WDFY4: variants seen among roughly 807,000 people sequenced by gnomAD.
WDFY4 encodes WDFY family member 4.
Under a neutral mutation model 351.9 loss-of-function variants are expected in WDFY4, and 169 were observed. The observed-to-expected ratio is 0.48, with a 90% CI of 0.42 to 0.55. WDFY4 has a LOEUF of 0.55. WDFY4 is among the 20% of genes least tolerant of loss of function. The pLI is 0.00. For missense variants in WDFY4, 3,803 were observed against 3,935.6 expected, an observed-to-expected ratio of 0.97 and a Z score of 0.90; for synonymous variants, 1,622 against 1,574.6, an observed-to-expected ratio of 1.03 and a Z score of -0.71.
chr10:48,758,050 G>C (rs1421244331), intron 12 of WDFY4, among the ~76,000 whole-genome samples: 1 of 151,994 alleles, frequency 6.6e-6, no homozygotes, highest in Non-Finnish European at 1.5e-5. Context: ...CTTCATCCCT[G>C]AAGTTTCCTT....
intron 2 of WDFY4, among the ~76,000 whole-genome samples, chr10:48,717,516 T>G (rs2063946511): frequency 6.6e-6 from 1 of 152,188 alleles, no homozygotes; most frequent in South Asian, 2.1e-4. Context: ...CTATAGCTCA[T>G]TCCCCTCCCT....
chr10:48,787,640 T>G (rs1416327306), intron 20 of WDFY4, among the ~76,000 whole-genome samples: 1 of 152,216 alleles, frequency 6.6e-6, no homozygotes, highest in East Asian at 1.9e-4. Context: ...TCAGGTTTCT[T>G]GTCACTTAAG....
At position 48,786,723 on chromosome 10, in the gene WDFY4, C is replaced by T. The variant is rs1304945759; in HGVS notation, c.3661C>T (p.Pro1221Ser). Residue 1221 changes from proline (P) to serine (S), a missense_variant, in exon 20 of 62, where the codon CCT becomes TCT. This residue lies in a region of WDFY4 where 3,054 missense variants were observed against 3,148.6 expected (regional missense o/e 0.97). Transcript: ENST00000325239. ...FVDVYGYIAT[P>S]RVWKQKSSLI... ...GGATGTTTATGGATATATTGCTACT[C>T]CTCGAGTCTGGAAACAAAAGTCTTC... 1.3e-6 allele frequency: 2 copies of T among 1,552,286 alleles called. No individual in the cohort carries two copies. Among genetic ancestry groups the T allele is most frequent in the Admixed American group, 3.9e-5 (2 of 51,006 alleles).
At chr10:48,889,452 T>C (rs1391505692) in intron 43 of WDFY4, among the ~76,000 whole-genome samples, 1 of 152,164 alleles carries the variant, frequency 6.6e-6, no homozygotes, top group African/African-American at 2.4e-5. Flanking sequence ...TGTCACTTAG[T>C]AGGTGGCTGA....
intron 47 of WDFY4, chr10:48,909,659 C>G (rs1397770662): frequency 3.9e-5 from 6 of 152,160 alleles, no homozygotes; most frequent in African/African-American, 1.4e-4. Context: ...GTGCCAAGGT[C>G]TTTTTAACAA....
At chr10:48,739,536 T>C (rs1434961829) in intron 11 of WDFY4, among the ~76,000 whole-genome samples, 1 of 152,256 alleles carries the variant, frequency 6.6e-6, no homozygotes, top group African/African-American at 2.4e-5. Context: ...TTTTCCTTTA[T>C]GATAGAAATG....
intron 1 of WDFY4, among the ~76,000 whole-genome samples, chr10:48,694,636 C>T (rs2063283404): frequency 6.6e-6 from 1 of 152,180 alleles, no homozygotes; most frequent in Non-Finnish European, 1.5e-5. Context: ...GAGACAAGCA[C>T]CATGTCCATG....
intron 40 of WDFY4, among the ~76,000 whole-genome samples, chr10:48,868,396 T>C (rs1206685127): frequency 6.6e-6 from 1 of 152,162 alleles, no homozygotes; most frequent in Non-Finnish European, 1.5e-5. Flanking sequence ...TGTCTAGTTT[T>C]TCTGAGTGCA....
At chr10:48,687,616 T>G (rs1458709856) in intron 1 of WDFY4, among the ~76,000 whole-genome samples, 7 of 127,754 alleles carry the variant, frequency 5.5e-5, no homozygotes, top group African/African-American at 2.0e-4. Context: ...CCATTCTTTT[T>G]TTTTTTTTTT....
chr10:48,909,776 C>A (rs955266375), intron 47 of WDFY4: 2 of 158,582 alleles, frequency 1.3e-5, no homozygotes, highest in African/African-American at 4.8e-5. Context: ...TTAGGCCCCA[C>A]CTCCAACACT....
chr10:48,873,548 C>T lies in WDFY4; in HGVS notation c.6799C>T (p.Leu2267Phe). The change falls in exon 41 of 62, where the codon CTT becomes TTT. Residue 2267 changes from leucine to phenylalanine, a missense_variant. Around this residue, in one of 3 missense-constraint regions of WDFY4, gnomAD observed 3,054 missense variants for 3,148.6 expected, o/e 0.97. Transcript: ENST00000325239. ...CGCCTGGGCCAGGATCCAGGAGCAG[C>T]TTTTTGGGGAGCTGGGCTTGTGGAG... ...ANAWARIQEQ[L>F]FGELGLWSQG... 6.4e-7 allele frequency: 1 copy of T among 1,551,708 alleles called. No individual in the cohort carries two copies. Among genetic ancestry groups the T allele is most frequent in the Middle Eastern group, 1.7e-4 (1 of 5,992 alleles).
At chr10:48,932,385 C>T (rs1029851223) in intron 47 of WDFY4, 1 of 152,174 alleles carries the variant, frequency 6.6e-6, no homozygotes, top group Non-Finnish European at 1.5e-5. Context: ...TCTTTGCAAC[C>T]TTTCAAGCAC....
chr10:48,972,046 A>G (rs2131842823), intron 57 of WDFY4, among the ~76,000 whole-genome samples: 1 of 152,216 alleles, frequency 6.6e-6, no homozygotes, highest in African/African-American at 2.4e-5. Flanking sequence ...GCACAGAAAC[A>G]CCCTCGTATC....
At chr10:48,855,657 A>T (rs2069108311) in intron 39 of WDFY4, among the ~76,000 whole-genome samples, 1 of 152,084 alleles carries the variant, frequency 6.6e-6, no homozygotes, top group African/African-American at 2.4e-5. Flanking sequence ...GTGCTAATTT[A>T]TTTTAAAATA....
chr10:48,774,494 A>G lies in WDFY4; in HGVS notation c.2590A>G (p.Ile864Val), dbSNP rs2132616446. Residue 864 changes from isoleucine (I) to valine (V), a missense_variant, in exon 14 of 62, where the codon ATC (isoleucine) becomes GTC (valine). Physicochemically the swap from Ile to Val is conservative, Grantham distance 29 (BLOSUM62 3). Around this residue, in one of 3 missense-constraint regions of WDFY4, gnomAD observed 3,054 missense variants for 3,148.6 expected, o/e 0.97. Coordinates refer to ENST00000325239, the MANE Select transcript of WDFY4 (RefSeq NM_001394531.1). ...EEIQCSLASH[I>V]QSLVKSEKNR... is the part of the protein sequence containing the mutation. ...GATCCAGTGCTCCCTGGCCAGTCAT[A>G]TCCAGTCCCTGGTGAAGTCGGAGAA... is the stretch of plus-strand genomic sequence containing the variant. The G allele has an allele frequency of 1.9e-6, 3 of 1,551,700 alleles. No homozygotes were observed. The highest frequency in any genetic ancestry group is 2.6e-6 in the Non-Finnish European group (3 of 1,146,996).
At chr10:48,778,072 TG>T (rs1328251062) in intron 17 of WDFY4, among the ~76,000 whole-genome samples, 2 of 152,150 alleles carry the variant, frequency 1.3e-5, no homozygotes, top group Non-Finnish European at 2.9e-5. Flanking sequence ...ACACGCTGGG[TG>T]GGACAGTGCA....
rs761985661 is a variant in WDFY4, at chr10:48,800,302, C to T, written c.4411-2984C>T. On this transcript the variant is annotated intron_variant, in intron 24 of 61. Coordinates refer to ENST00000325239, the MANE Select transcript of WDFY4 (RefSeq NM_001394531.1). Reference sequence around the variant, plus strand: ...GAAGAAACTGCTAATGAGACACATCCTCAGAGGGTTTGGAGACAAGAGAGT... The same window carrying T: ...GAAGAAACTGCTAATGAGACACATCTTCAGAGGGTTTGGAGACAAGAGAGT... 5.3e-5 allele frequency among the ~76,000 whole-genome samples: 8 copies of T among 152,210 alleles called. 1 individual carries two copies. The highest frequency in any genetic ancestry group is 1.0e-4 in the Non-Finnish European group (7 of 68,038).
intron 40 of WDFY4, among the ~76,000 whole-genome samples, chr10:48,871,235 G>A (rs964125125): frequency 2.6e-5 from 4 of 152,030 alleles, no homozygotes; most frequent in East Asian, 3.9e-4. Flanking sequence ...GTGCCTGGCC[G>A]GATATGTGTT....
chr10:48,745,218 C>T (rs2064972798), intron 12 of WDFY4, among the ~76,000 whole-genome samples: 2 of 151,882 alleles, frequency 1.3e-5, no homozygotes. Context: ...TTTGAATTTC[C>T]ATTGTTACAG....
Sources: gnomAD v4.1 joint callset for allele counts (sites outside exome capture counted in the v4.1 genomes callset) on GRCh38, gnomAD v4.1.1 for gene constraint, gnomAD v4.1.1 regional missense constraint, MANE v1.5 for transcripts, NCBI Gene and HGNC (gene_info 2026-07-23, HGNC 2026-07-21) for gene names.